ZDHHC15: variants seen among roughly 807,000 people sequenced by gnomAD.
ZDHHC15 encodes zDHHC palmitoyltransferase 15.
In ZDHHC15, 19 loss-of-function variants were observed where a neutral mutation model predicts 31.7. The observed-to-expected ratio is 0.60, with a 90% confidence interval of 0.42 to 0.88. The LOEUF is 0.88. Ranked by LOEUF, ZDHHC15 falls within the 40% of genes least tolerant of loss-of-function variation. The pLI is 0.00. For missense variants in ZDHHC15, 209 were observed against 251.2 expected, an observed-to-expected ratio of 0.83 and a Z score of 1.14; for synonymous variants, 103 against 90.0, an observed-to-expected ratio of 1.14 and a Z score of -0.82.
intron 10 of ZDHHC15, among the ~76,000 whole-genome samples, chrX:75,390,062 C>A (rs1406229241): frequency 9.0e-6 from 1 of 111,307 alleles, no homozygotes; most frequent in African/African-American, 3.3e-5. Flanking sequence ...GTGAACATTG[C>A]CAGTAGCCAG....
intron 3 of ZDHHC15, among the ~76,000 whole-genome samples, chrX:75,463,684 T>G (rs1052395871): frequency 2.7e-5 from 3 of 111,159 alleles, no homozygotes; most frequent in Non-Finnish European, 5.7e-5. Flanking sequence ...AACAGACACA[T>G]GAAAAAATGC....
At chrX:75,377,303 C>T (rs2083070207) in intron 11 of ZDHHC15, among the ~76,000 whole-genome samples, 1 of 110,363 alleles carries the variant, frequency 9.1e-6, no homozygotes, top group Non-Finnish European at 1.9e-5. Context: ...TAGACACCAG[C>T]CTGGCCAACA....
rs143448406 is a variant in ZDHHC15 at position 75,424,154 on chromosome X, C to T, written c.736+498G>A. ...TACCTAAACAGCCCCTTGATGATTG[C>T]AGATATTTACTGATTTTTTTTTTTG... is the stretch of plus-strand genomic sequence containing the variant. On this transcript the variant is annotated intron_variant, in intron 8 of 11. Coordinates refer to ENST00000373367, the MANE Select transcript of ZDHHC15 (RefSeq NM_144969.3). Among the ~76,000 whole-genome samples the T allele has an allele frequency of 4.8e-4, 53 of 110,963 alleles. No individual in the cohort carries two copies. The East Asian group carries it at 0.015, about 31-fold the overall frequency.
intron 3 of ZDHHC15, among the ~76,000 whole-genome samples, chrX:75,476,354 G>A (rs959286121): frequency 9.1e-6 from 1 of 109,767 alleles, no homozygotes; most frequent in East Asian, 2.9e-4. Flanking sequence ...TTTCTTTGTT[G>A]GCAGGTTTTT....
chrX:75,454,525 G>T (rs770932599), intron 3 of ZDHHC15, among the ~76,000 whole-genome samples: 5 of 111,560 alleles, frequency 4.5e-5, no homozygotes, highest in African/African-American at 1.3e-4. Context: ...TTCCACAATG[G>T]TTGAACTAGT....
chrX:75,377,865 A>C (rs961573325), intron 11 of ZDHHC15, among the ~76,000 whole-genome samples: 2 of 111,950 alleles, frequency 1.8e-5, no homozygotes, highest in African/African-American at 3.2e-5. Context: ...ATAGGGTTTT[A>C]TAAATTTATT....
At chrX:75,418,351 A>C (rs746490363) in intron 9 of ZDHHC15, among the ~76,000 whole-genome samples, 3 of 111,923 alleles carry the variant, frequency 2.7e-5, no homozygotes, top group Non-Finnish European at 5.6e-5. Context: ...AACTAAGTGA[A>C]CATGAGTGTA....
intron 4 of ZDHHC15, 57 bp from the exon 5 acceptor site, chrX:75,431,577 T>C: frequency 9.7e-7 from 1 of 1,035,821 alleles, no homozygotes; most frequent in Non-Finnish European, 1.3e-6. Flanking sequence ...TAAGACCTTA[T>C]ATCTTACTAG....
In ZDHHC15 at chrX:75,451,452, A is replaced by G. The variant is rs778095359; in HGVS notation, c.259-530T>C. Among the ~76,000 whole-genome samples, 9 of 112,558 alleles carry G rather than the reference A, an allele frequency of 8.0e-5. No individual in the cohort carries two copies. In the South Asian group the frequency reaches 3.3e-3, roughly 41 times the overall value. On this transcript the variant is annotated intron_variant, in intron 3 of 11. Transcript: ENST00000373367. The stretch of plus-strand genomic sequence containing the variant: ...AAGGGGAAATTTAGATATTCTCACT[A>G]TTGAATACTTTTTTAGTCTCGTATG...
intron 10 of ZDHHC15, among the ~76,000 whole-genome samples, chrX:75,395,372 T>C (rs2083288221): frequency 9.0e-6 from 1 of 111,484 alleles, no homozygotes; most frequent in South Asian, 3.7e-4. Flanking sequence ...GAATACAAAA[T>C]CAACATGCAA....
intron 10 of ZDHHC15, among the ~76,000 whole-genome samples, chrX:75,389,153 G>A (rs192889288): frequency 1.8e-5 from 2 of 111,360 alleles, no homozygotes; most frequent in East Asian, 5.7e-4. Context: ...CCCACAGAGG[G>A]AACATTTAGA....
At chrX:75,413,729 C>T (rs1367251153) in intron 10 of ZDHHC15, among the ~76,000 whole-genome samples, 1 of 109,006 alleles carries the variant, frequency 9.2e-6, no homozygotes, top group African/African-American at 3.3e-5. Flanking sequence ...ACAGAACATT[C>T]AAAAAGGCAC....
chrX:75,398,451 C>T (rs2083320939), intron 10 of ZDHHC15, among the ~76,000 whole-genome samples: 2 of 112,811 alleles, frequency 1.8e-5, no homozygotes, highest in Admixed American at 1.9e-4. Context: ...TCTGAATTCC[C>T]CCTCAAAAGG....
intron 10 of ZDHHC15, among the ~76,000 whole-genome samples, chrX:75,397,164 TA>T (rs2083307396): frequency 9.1e-6 from 1 of 110,097 alleles, no homozygotes; most frequent in Non-Finnish European, 1.9e-5. Context: ...CCGTCATTAC[TA>T]AAAATACAAA....
chrX:75,407,353 G>A (rs190465001), intron 10 of ZDHHC15, among the ~76,000 whole-genome samples: 2 of 111,725 alleles, frequency 1.8e-5, no homozygotes, highest in Admixed American at 9.3e-5. Flanking sequence ...CGTCTGGGAA[G>A]TGAGGAGTGT....
At chrX:75,444,550 T>C (rs1325929656) in intron 4 of ZDHHC15, among the ~76,000 whole-genome samples, 6 of 100,798 alleles carry the variant, frequency 6.0e-5, no homozygotes, top group Non-Finnish European at 1.2e-4. Flanking sequence ...CACACCAACA[T>C]GGCACATGTA....
At chrX:75,463,084 C>A (rs1235883909) in intron 3 of ZDHHC15, among the ~76,000 whole-genome samples, 1 of 111,452 alleles carries the variant, frequency 9.0e-6, no homozygotes, top group Non-Finnish European at 1.9e-5. Context: ...CAGGGGATAT[C>A]ACCACTGATC....
At chrX:75,422,610 G>T (rs1011405149) in intron 8 of ZDHHC15, among the ~76,000 whole-genome samples, 8 of 110,766 alleles carry the variant, frequency 7.2e-5, no homozygotes, top group African/African-American at 2.6e-4. Context: ...TTAAGTAAAT[G>T]ATTTCACTGT....
chrX:75,448,691 G>A (rs2084067456), intron 4 of ZDHHC15, among the ~76,000 whole-genome samples: 1 of 111,443 alleles, frequency 9.0e-6, no homozygotes, highest in Non-Finnish European at 1.9e-5. Context: ...AGGTAAAATT[G>A]TAACCTTGTT....
Sources: gnomAD v4.1 joint callset for allele counts (sites outside exome capture counted in the v4.1 genomes callset) on GRCh38, gnomAD v4.1.1 for gene constraint, MANE v1.5 for transcripts, NCBI Gene and HGNC (gene_info 2026-07-23, HGNC 2026-07-21) for gene names.